RTF2: variants seen among roughly 807,000 people sequenced by gnomAD.
RTF2 encodes replication termination factor 2, also known as UPF0549 protein C20orf43.
In RTF2, 18 loss-of-function variants were observed where a neutral mutation model predicts 38.0. The ratio of observed to expected loss-of-function variants is 0.47; its 90% CI spans 0.33 to 0.70. The LOEUF (loss-of-function observed/expected upper bound fraction) is 0.70. RTF2 is among the 30% of genes least tolerant of loss of function. The probability of loss-of-function intolerance (pLI) is 0.02; values close to 1 mark genes in which losing one functional copy is unlikely to be tolerated. For synonymous variants in RTF2, 126 were observed against 137.1 expected (o/e 0.92, Z 0.57); for missense variants, 311 against 379.6 (o/e 0.82, Z 1.50).
chr20:56,516,597 G>A (rs576615147), intron 6 of RTF2: 3 of 362,148 alleles, frequency 8.3e-6, no homozygotes, highest in African/African-American at 2.1e-5. Flanking sequence ...GTGCGCTTTT[G>A]TATACAGTTG....
Position 56,468,631 on chromosome 20 carries a change from ATT to A in RTF2, c.-65_-64del. The stretch of plus-strand genomic sequence containing the variant: ...GGCGGTGCGCCGGAAGTGGCTGCGG[ATT>A]TCGCCGGAAATCCCGGAAGTGACAG... On this transcript the variant is annotated 5_prime_UTR_variant, in exon 1 of 9. Transcript: ENST00000357348. 1 of 1,455,752 alleles carries A rather than the reference ATT, an allele frequency of 6.9e-7. No homozygotes were observed. The highest frequency in any genetic ancestry group is 2.0e-5 in the Admixed American group (1 of 50,382). 90.2% of individuals were successfully genotyped at this position (1,455,752 alleles called of 1,614,324 possible). A position where few individuals can be genotyped will look rare whatever the true frequency, so the allele number is the denominator to read the frequency against.
At chr20:56,475,019 T>G (rs1982165683) in intron 3 of RTF2, among the ~76,000 whole-genome samples, 1 of 152,246 alleles carries the variant, frequency 6.6e-6, no homozygotes, top group African/African-American at 2.4e-5. Flanking sequence ...TTTGATGTTC[T>G]CTATTAATGT....
intron 5 of RTF2, among the ~76,000 whole-genome samples, chr20:56,505,562 A>G (rs1475693929): frequency 1.3e-5 from 2 of 151,688 alleles, no homozygotes; most frequent in Non-Finnish European, 1.5e-5. Flanking sequence ...ATCTGCTCAC[A>G]CTGGCCCATT....
At chr20:56,498,857 G>T (rs1314576861) in intron 5 of RTF2, among the ~76,000 whole-genome samples, 3 of 152,120 alleles carry the variant, frequency 2.0e-5, no homozygotes, top group Non-Finnish European at 2.9e-5. Context: ...ACTGGTATTT[G>T]AGCTCAGGTT....
chr20:56,484,347 G>T lies in RTF2; in HGVS notation c.477+158G>T, dbSNP rs538590266. Among the ~76,000 whole-genome samples the T allele has an allele frequency of 8.5e-5, 13 of 152,294 alleles. No individual in the cohort carries two copies. In the South Asian group the frequency reaches 2.7e-3, roughly 32 times the overall value. Reference sequence around the variant, plus strand: ...GTTGCTGGAAGTGCAGAATCCACTGGCCTCTTGTCACCTGACCACTGCCTG... The same window carrying T: ...GTTGCTGGAAGTGCAGAATCCACTGTCCTCTTGTCACCTGACCACTGCCTG... On this transcript the variant is annotated intron_variant, in intron 5 of 8. Coordinates refer to ENST00000357348, the MANE Select transcript of RTF2 (RefSeq NM_016407.5).
chr20:56,511,663 ATGCT>A (rs1328492957), intron 5 of RTF2, among the ~76,000 whole-genome samples: 1 of 152,002 alleles, frequency 6.6e-6, no homozygotes. Flanking sequence ...GTACTGTATG[ATGCT>A]TGCTGCATCC....
At chr20:56,516,017 T>C (rs1224146641) in intron 6 of RTF2, 1 of 152,254 alleles carries the variant, frequency 6.6e-6, no homozygotes, top group Non-Finnish European at 1.5e-5. Context: ...TTGTCTCTTA[T>C]TTGTTTGAAG....
At chr20:56,499,727 T>G (rs981619308) in intron 5 of RTF2, among the ~76,000 whole-genome samples, 4 of 151,910 alleles carry the variant, frequency 2.6e-5, no homozygotes, top group African/African-American at 9.7e-5. Context: ...TGTTTTTTTT[T>G]TTCTGTTGTC....
chr20:56,514,575 TA>T (rs1234522363), intron 6 of RTF2, among the ~76,000 whole-genome samples: 1 of 152,070 alleles, frequency 6.6e-6, no homozygotes, highest in East Asian at 1.9e-4. Flanking sequence ...TTGGGGTTTT[TA>T]AAAAATCATA....
intron 5 of RTF2, chr20:56,497,393 G>C (rs1473522232): frequency 6.5e-7 from 1 of 1,549,662 alleles, no homozygotes; most frequent in Admixed American, 2.0e-5. Flanking sequence ...ATTTATGAGG[G>C]GTTTTGCAAA....
At chr20:56,472,043 A>G (rs1981997664) in intron 1 of RTF2, among the ~76,000 whole-genome samples, 1 of 152,198 alleles carries the variant, frequency 6.6e-6, no homozygotes. Flanking sequence ...TGGGCAACAC[A>G]GGGAGACCTC....
intron 5 of RTF2, among the ~76,000 whole-genome samples, chr20:56,505,406 C>G (rs954300116): frequency 1.3e-5 from 2 of 151,612 alleles, no homozygotes; most frequent in African/African-American, 2.4e-5. Flanking sequence ...GAGGATTGCT[C>G]GAGTCCAGGA....
At chr20:56,503,258 C>G (rs980150779) in intron 5 of RTF2, among the ~76,000 whole-genome samples, 6 of 152,232 alleles carry the variant, frequency 3.9e-5, no homozygotes, top group Non-Finnish European at 7.3e-5. Context: ...AATTCAAAAG[C>G]TGTCTAACTG....
chr20:56,486,487 A>C (rs1982798570), intron 5 of RTF2, among the ~76,000 whole-genome samples: 1 of 152,036 alleles, frequency 6.6e-6, no homozygotes, highest in South Asian at 2.1e-4. Context: ...TGTCTCTCCT[A>C]AAAATACAAA....
At position 56,519,178 on chromosome 20, in the gene RTF2, G is replaced by C. The variant is rs1398416875; in HGVS notation, c.*913G>C. 6.6e-6 allele frequency: 1 copy of C among 152,220 alleles called. No individual in the cohort carries two copies. Among genetic ancestry groups the C allele is most frequent in the East Asian group, 1.9e-4 (1 of 5,196 alleles). 9.4% of individuals were successfully genotyped at this position (152,220 alleles called of 1,614,324 possible). On this transcript the variant is annotated 3_prime_UTR_variant, in exon 9 of 9. Transcript: ENST00000357348. The stretch of plus-strand genomic sequence containing the variant: ...CGGTGGTATGACTGAGATAGTGACT[G>C]GTTCTCTATACAGACCCCGGGGCCC...
At chr20:56,516,539 G>T in intron 6 of RTF2, 2 of 182,666 alleles carry the variant, frequency 1.1e-5, no homozygotes, top group Non-Finnish European at 2.3e-5. Context: ...TGGTGTTTAT[G>T]CTGGCTGGAC....
intron 5 of RTF2, chr20:56,497,028 G>A (rs777097449): frequency 1.3e-6 from 2 of 1,551,494 alleles, no homozygotes; most frequent in African/African-American, 1.4e-5. Flanking sequence ...TTGAAATTTA[G>A]AATGCACTAG....
chr20:56,493,405 C>A (rs771444704), intron 5 of RTF2, among the ~76,000 whole-genome samples: 5 of 152,092 alleles, frequency 3.3e-5, no homozygotes, highest in Non-Finnish European at 5.9e-5. Context: ...TGTCTGTAAT[C>A]TCAGCACTTT....
rs745946356 is a variant in RTF2 at position 56,468,770 on chromosome 20, A to C, written c.69+4A>C. ...GGGGCCGAAGAAGGTTGAGAAGGTC[A>C]GTGATGTGGGCCGGCTCTTGGCGAC... On this transcript the variant is annotated splice_donor_region_variant and intron_variant, in intron 1 of 8. Transcript: ENST00000357348. The C allele has an allele frequency of 5.1e-6, 8 of 1,575,654 alleles. No homozygotes were observed. In the South Asian group the frequency reaches 9.3e-5, roughly 18 times the overall value.
Sources: allele counts gnomAD v4.1 joint callset (sites outside exome capture counted in the v4.1 genomes callset), GRCh38; gene constraint gnomAD v4.1.1; transcripts MANE v1.5; gene names NCBI Gene and HGNC (gene_info 2026-07-23, HGNC 2026-07-21).